ALPK1: variants seen among roughly 807,000 people sequenced by gnomAD.
ALPK1 encodes alpha kinase 1, also known as alpha-protein kinase 1.
A neutral mutation model predicts 120.6 loss-of-function variants in ALPK1; 110 were observed. That is an observed-to-expected ratio of 0.91 (90% CI 0.78 to 1.07). The LOEUF (loss-of-function observed/expected upper bound fraction) is 1.07. Ranked by LOEUF, ALPK1 falls within the 50% of genes least tolerant of loss-of-function variation. The pLI, the probability that ALPK1 is intolerant of heterozygous loss-of-function variation, is 0.00. For synonymous variants in ALPK1, 582 were observed against 560.3 expected, an observed-to-expected ratio of 1.04 and a Z score of -0.55; for missense variants, 1,498 against 1,483.9, an observed-to-expected ratio of 1.01 and a Z score of -0.16.
At chr4:112,408,497 G>GTCTT (rs1372031922) in intron 4 of ALPK1, among the ~76,000 whole-genome samples, 1 of 148,754 alleles carries the variant, frequency 6.7e-6, no homozygotes, top group Non-Finnish European at 1.5e-5. Context: ...TTGAGACTGA[G>GTCTT]TCTTGCTCTG....
intron 4 of ALPK1, 26 bp downstream of exon 4, chr4:112,382,578 C>T (rs1312269330): frequency 6.2e-7 from 1 of 1,613,940 alleles, no homozygotes; most frequent in Non-Finnish European, 8.5e-7. Context: ...CCACCTGTTC[C>T]TCTGATATCC....
At chr4:112,324,196 A>G (rs552898045) in intron 2 of ALPK1, among the ~76,000 whole-genome samples, 8 of 152,196 alleles carry the variant, frequency 5.3e-5, no homozygotes, top group Admixed American at 1.3e-4. Context: ...GCATGGTGGC[A>G]GGCGCCTGTA....
intron 2 of ALPK1, among the ~76,000 whole-genome samples, chr4:112,330,407 A>G (rs1560639775): frequency 6.6e-6 from 1 of 152,230 alleles, no homozygotes; most frequent in Admixed American, 6.5e-5. Flanking sequence ...GTATAAATTA[A>G]TACACAACAG....
At chr4:112,340,244 T>G (rs1002952343) in intron 2 of ALPK1, among the ~76,000 whole-genome samples, 1 of 152,246 alleles carries the variant, frequency 6.6e-6, no homozygotes, top group Non-Finnish European at 1.5e-5. Context: ...CTGGATTTCA[T>G]GTAGAGCAGA....
At chr4:112,399,804 T>G (rs1230932358) in intron 4 of ALPK1, among the ~76,000 whole-genome samples, 1 of 152,170 alleles carries the variant, frequency 6.6e-6, no homozygotes, top group Non-Finnish European at 1.5e-5. Context: ...TGCGTCTATG[T>G]GTTCTCATTG....
intron 2 of ALPK1, among the ~76,000 whole-genome samples, chr4:112,350,101 G>A (rs1017318681): frequency 6.6e-6 from 1 of 152,168 alleles, no homozygotes; most frequent in African/African-American, 2.4e-5. Flanking sequence ...AATCAAGACA[G>A]TGAAACCACA....
intron 2 of ALPK1, among the ~76,000 whole-genome samples, chr4:112,370,560 T>C (rs1429366405): frequency 6.6e-6 from 1 of 152,208 alleles, no homozygotes; most frequent in Non-Finnish European, 1.5e-5. Context: ...TGTGTTGAGA[T>C]TGAAAATGAT....
chr4:112,308,732 C>G (rs565813649), intron 1 of ALPK1, among the ~76,000 whole-genome samples: 1 of 152,224 alleles, frequency 6.6e-6, no homozygotes, highest in South Asian at 2.1e-4. Context: ...TCGTCTGAAG[C>G]CTTCTTCTCT....
intron 2 of ALPK1, among the ~76,000 whole-genome samples, chr4:112,326,857 G>A (rs924777237): frequency 6.6e-6 from 1 of 152,182 alleles, no homozygotes; most frequent in Non-Finnish European, 1.5e-5. Context: ...TGATCAGGAG[G>A]CATTTGCCAA....
chr4:112,343,212 T>C (rs1367737855), intron 2 of ALPK1: 1 of 152,240 alleles, frequency 6.6e-6, no homozygotes, highest in African/African-American at 2.4e-5. Flanking sequence ...CATCGTATCC[T>C]TTGAAGGACT....
chr4:112,377,996 C>A, intron 3 of ALPK1, 98 bp downstream of exon 3: 8 of 1,246,848 alleles, frequency 6.4e-6, no homozygotes, highest in Non-Finnish European at 7.2e-6. Context: ...TATTTTTCTT[C>A]TCTTGGCAGA....
intron 4 of ALPK1, among the ~76,000 whole-genome samples, chr4:112,391,949 A>G (rs1002164762): frequency 7.0e-6 from 1 of 143,866 alleles, no homozygotes; most frequent in Non-Finnish European, 1.5e-5. Flanking sequence ...AACAGAAGGC[A>G]AAATAAACCC....
chr4:112,322,320 G>C (rs1728898287), intron 2 of ALPK1, among the ~76,000 whole-genome samples: 1 of 152,202 alleles, frequency 6.6e-6, no homozygotes, highest in Admixed American at 6.5e-5. Flanking sequence ...CACTTCAAGA[G>C]TGTAGGCAGA....
At chr4:112,299,774 CTATTA>C (rs1727706556) in intron 1 of ALPK1, among the ~76,000 whole-genome samples, 1 of 152,104 alleles carries the variant, frequency 6.6e-6, no homozygotes, top group South Asian at 2.1e-4. Flanking sequence ...GCCTAATAAA[CTATTA>C]TATTTCCTCG....
chr4:112,310,705 G>A (rs1728363251), intron 1 of ALPK1, among the ~76,000 whole-genome samples: 1 of 151,902 alleles, frequency 6.6e-6, no homozygotes, highest in Non-Finnish European at 1.5e-5. Flanking sequence ...ATCACTAATG[G>A]CCTTAATTTT....
chr4:112,301,286 T>A (rs1398396090), intron 1 of ALPK1, among the ~76,000 whole-genome samples: 1 of 152,232 alleles, frequency 6.6e-6, no homozygotes, highest in East Asian at 1.9e-4. Flanking sequence ...CATACACTTC[T>A]GAAGATTGCA....
intron 11 of ALPK1, 78 bp downstream of exon 11, chr4:112,432,659 T>C (rs761001954): frequency 2.8e-5 from 38 of 1,376,214 alleles, no homozygotes; most frequent in Non-Finnish European, 3.4e-5. Flanking sequence ...GGTATGTAGA[T>C]CACTTAAAGC....
chr4:112,368,988 G>A (rs1379950463), intron 2 of ALPK1, among the ~76,000 whole-genome samples: 3 of 149,964 alleles, frequency 2.0e-5, no homozygotes, highest in Non-Finnish European at 4.4e-5. Flanking sequence ...GCAACGGCTA[G>A]CTTCTATATT....
intron 6 of ALPK1, 69 bp downstream of exon 6, chr4:112,424,072 C>G (rs1214633356): frequency 7.6e-6 from 11 of 1,447,436 alleles, no homozygotes; most frequent in Non-Finnish European, 1.1e-5. Context: ...TTAATAACAA[C>G]TTAGTGACTT....
Sources: gnomAD v4.1 joint callset for allele counts (sites outside exome capture counted in the v4.1 genomes callset) on GRCh38, gnomAD v4.1.1 for gene constraint, MANE v1.5 for transcripts, NCBI Gene and HGNC (gene_info 2026-07-23, HGNC 2026-07-21) for gene names.